The following SPOP variants were observed in gnomAD, a reference collection of about 807,000 sequenced individuals.
SPOP encodes the protein speckle type BTB/POZ protein, also known as speckle-type POZ protein.
SPOP carries 11 observed loss-of-function variants against 45.6 expected under a neutral mutation model. The ratio of observed to expected loss-of-function variants is 0.24; its 90% CI spans 0.15 to 0.40. The LOEUF is 0.40. SPOP is among the 10% of genes least tolerant of loss of function. The pLI is 1.00. For missense variants in SPOP, 152 were observed against 465.6 expected, an observed-to-expected ratio of 0.33 and a Z score of 6.20; for synonymous variants, 166 against 166.3, an observed-to-expected ratio of 1.00 and a Z score of 0.01.
chr17:49,673,723 T>C (rs1013877433), intron 1 of SPOP, among the ~76,000 whole-genome samples: 1 of 152,210 alleles, frequency 6.6e-6, no homozygotes, highest in African/African-American at 2.4e-5. Flanking sequence ...AAATGAACTC[T>C]CCTCTAACCC....
At chr17:49,607,743 A>G (rs1033425450) in intron 7 of SPOP, 131 bp downstream of exon 7, 20 of 813,502 alleles carry the variant, frequency 2.5e-5, no homozygotes, top group African/African-American at 2.4e-4. Flanking sequence ...TGCTCTCAGA[A>G]GGAGTTTAGG....
At chr17:49,634,071 C>T (rs1325269841) in intron 1 of SPOP, among the ~76,000 whole-genome samples, 1 of 151,416 alleles carries the variant, frequency 6.6e-6, no homozygotes, top group African/African-American at 2.4e-5. Context: ...TAGACTTTTC[C>T]ACACTGGGAA....
At chr17:49,630,445 C>T (rs923705509) in intron 1 of SPOP, among the ~76,000 whole-genome samples, 1 of 152,042 alleles carries the variant, frequency 6.6e-6, no homozygotes, top group Non-Finnish European at 1.5e-5. Flanking sequence ...CAACAAAATA[C>T]TAAATATACT....
At chr17:49,668,330 G>T (rs963124826) in intron 1 of SPOP, among the ~76,000 whole-genome samples, 2 of 151,994 alleles carry the variant, frequency 1.3e-5, no homozygotes, top group African/African-American at 4.8e-5. Context: ...ATAAACCGTG[G>T]TACAGCATAT....
intron 1 of SPOP, among the ~76,000 whole-genome samples, chr17:49,655,627 G>A (rs1025333228): frequency 4.6e-5 from 7 of 151,966 alleles, no homozygotes; most frequent in Admixed American, 6.6e-5. Flanking sequence ...AATTATTTAC[G>A]TAGCCTGGAC....
At chr17:49,651,187 T>C (rs1313008727) in intron 1 of SPOP, among the ~76,000 whole-genome samples, 3 of 152,122 alleles carry the variant, frequency 2.0e-5, no homozygotes, top group South Asian at 4.1e-4. Context: ...GATTGATAAA[T>C]TGGAATAGCA....
At chr17:49,665,649 GAC>G (rs71352530) in intron 1 of SPOP, among the ~76,000 whole-genome samples, 2,107 of 126,724 alleles carry the variant, frequency 0.017, 42 homozygotes, top group African/African-American at 0.036. Context: ...TATATATACA[GAC>G]ACACACACAC....
chr17:49,604,620 C>T (rs370890500), intron 8 of SPOP, among the ~76,000 whole-genome samples: 3 of 152,158 alleles, frequency 2.0e-5, no homozygotes, highest in African/African-American at 7.2e-5. Context: ...TGGCAGATAA[C>T]CCTCTTTCTC....
chr17:49,609,595 A>G (rs1186230497), intron 6 of SPOP, among the ~76,000 whole-genome samples: 1 of 152,224 alleles, frequency 6.6e-6, no homozygotes, highest in Non-Finnish European at 1.5e-5. Flanking sequence ...CAACCAGAGA[A>G]TCAGGAGAGA....
intron 1 of SPOP, among the ~76,000 whole-genome samples, chr17:49,653,058 G>T (rs552482773): frequency 6.6e-6 from 1 of 152,070 alleles, no homozygotes; most frequent in Admixed American, 6.6e-5. Flanking sequence ...GAATTCTAGT[G>T]CAGGCTTGAA....
At chr17:49,614,666 G>T (rs1358837994) in intron 5 of SPOP, among the ~76,000 whole-genome samples, 1 of 151,912 alleles carries the variant, frequency 6.6e-6, no homozygotes, top group Non-Finnish European at 1.5e-5. Flanking sequence ...TGTAGGTCAA[G>T]AACAAGCAAA....
Position 49,600,586 on chromosome 17 carries a change from C to T in SPOP, c.981-64G>A. On this transcript the variant is annotated intron_variant, in intron 9 of 9. Coordinates refer to ENST00000504102, the MANE Select transcript of SPOP (RefSeq NM_001007228.2). This position sits in a 1 kb window ranked among gnomAD's most constrained non-coding sequence, Gnocchi z 4.2. ...GAGCAAGGGATGAATTCAACAGCCA[C>T]CTAGATAGCCTAATTTTCCACTGTT... 1 of 1,578,152 alleles carries T rather than the reference C, an allele frequency of 6.3e-7. No individual in the cohort carries two copies. The highest frequency in any genetic ancestry group is 8.7e-7 in the Non-Finnish European group (1 of 1,151,366).
At chr17:49,673,872 C>T (rs2073167725) in intron 1 of SPOP, among the ~76,000 whole-genome samples, 3 of 152,114 alleles carry the variant, frequency 2.0e-5, no homozygotes, top group Admixed American at 6.5e-5. Context: ...TTGGGCCGGG[C>T]GTGGTGGCTC....
intron 1 of SPOP, among the ~76,000 whole-genome samples, chr17:49,651,704 T>C (rs1050308127): frequency 1.3e-5 from 2 of 152,208 alleles, no homozygotes; most frequent in Admixed American, 6.5e-5. Context: ...CATTTTGTGA[T>C]AGGCCTATGG....
intron 8 of SPOP, among the ~76,000 whole-genome samples, chr17:49,606,495 CTTTTTTTTT>C (rs71146920): frequency 1.3e-4 from 9 of 69,338 alleles, no homozygotes; most frequent in South Asian, 9.2e-4. Flanking sequence ...TTTCTTTTTT[CTTTTTTTTT>C]TTTTTTTTTT....
At chr17:49,672,193 T>C (rs192489325) in intron 1 of SPOP, among the ~76,000 whole-genome samples, 133 of 152,202 alleles carry the variant, frequency 8.7e-4, no homozygotes, top group East Asian at 3.7e-3. Flanking sequence ...TTACAGAAGA[T>C]TGAAAGCAAA....
At position 49,599,979 on chromosome 17, in the gene SPOP, C is replaced by T. The variant is rs997174152; in HGVS notation, c.*399G>A. The T allele has an allele frequency of 1.3e-5, 3 of 234,148 alleles. No homozygotes were observed. Among genetic ancestry groups the T allele is most frequent in the South Asian group, 1.7e-4 (1 of 5,808 alleles). The allele number at this position is 234,148 out of a possible 1,614,324, so 14.5% of individuals were successfully genotyped here. A position where few individuals can be genotyped will look rare whatever the true frequency, so the allele number is the denominator to read the frequency against. ...AAAAATCTTTTCTTCTTTCCTTTTC[C>T]CTTCTGTTAAAACTCAATGTCCTTT... is the stretch of plus-strand genomic sequence containing the variant. On this transcript the variant is annotated 3_prime_UTR_variant, in exon 10 of 10. Coordinates refer to ENST00000504102, the MANE Select transcript of SPOP (RefSeq NM_001007228.2).
chr17:49,645,578 A>C (rs2072741697), intron 1 of SPOP, among the ~76,000 whole-genome samples: 1 of 152,088 alleles, frequency 6.6e-6, no homozygotes, highest in Non-Finnish European at 1.5e-5. Context: ...TACAGGCATG[A>C]GTCACCGCGC....
At chr17:49,663,193 T>G (rs773947256) in intron 1 of SPOP, among the ~76,000 whole-genome samples, 4 of 152,200 alleles carry the variant, frequency 2.6e-5, no homozygotes, top group Non-Finnish European at 5.9e-5. Context: ...CTGTGCCTCC[T>G]GTGAGATCAG....
Sources: allele counts gnomAD v4.1 joint callset (sites outside exome capture counted in the v4.1 genomes callset), GRCh38; gene constraint gnomAD v4.1.1; non-coding constraint Gnocchi (gnomAD v3.1); transcripts MANE v1.5; gene names NCBI Gene and HGNC (gene_info 2026-07-23, HGNC 2026-07-21).